The following CWC27 variants were observed in gnomAD, a reference collection of about 807,000 sequenced individuals.
CWC27 encodes the protein spliceosome-associated protein CWC27 homolog.
Under a neutral mutation model 63.6 loss-of-function variants are expected in CWC27, and 47 were observed. The ratio of observed to expected loss-of-function variants is 0.74; its 90% CI spans 0.58 to 0.94. The LOEUF is 0.94. Among genes scored for constraint, CWC27 ranks in the 40% least tolerant of loss-of-function variants. The pLI is 0.00. For synonymous variants in CWC27, 175 were observed against 179.8 expected (o/e 0.97, Z 0.22); for missense variants, 495 against 554.3 (o/e 0.89, Z 1.07).
chr5:64,894,660 T>C (rs1747325224), intron 11 of CWC27, among the ~76,000 whole-genome samples: 1 of 152,156 alleles, frequency 6.6e-6, no homozygotes. Context: ...TTGGATATAA[T>C]ACAAAAATAT....
chr5:64,841,541 A>T (rs1745836507), intron 10 of CWC27, among the ~76,000 whole-genome samples: 1 of 152,196 alleles, frequency 6.6e-6, no homozygotes, highest in South Asian at 2.1e-4. Flanking sequence ...CTGAAGTCTT[A>T]TTTCTGTAAT....
At chr5:64,862,216 A>G (rs192236951) in intron 10 of CWC27, among the ~76,000 whole-genome samples, 3 of 152,264 alleles carry the variant, frequency 2.0e-5, no homozygotes, top group Admixed American at 2.0e-4. Flanking sequence ...CTACCTGACA[A>G]TGTAACTACT....
At chr5:64,905,215 A>AACAAAACAAAAC (rs1187256410) in intron 11 of CWC27, among the ~76,000 whole-genome samples, 2 of 151,396 alleles carry the variant, frequency 1.3e-5, no homozygotes, top group African/African-American at 4.9e-5. Flanking sequence ...AAAAAAAAAA[A>AACAAAACAAAAC]AAAAAAAAAC....
chr5:64,845,172 A>G (rs150565281), intron 10 of CWC27, among the ~76,000 whole-genome samples: 1 of 152,122 alleles, frequency 6.6e-6, no homozygotes, highest in Non-Finnish European at 1.5e-5. Flanking sequence ...AGAACTCCCA[A>G]CAAGCTCTGA....
intron 10 of CWC27, among the ~76,000 whole-genome samples, chr5:64,868,162 T>G (rs1450354241): frequency 6.6e-6 from 1 of 152,032 alleles, no homozygotes; most frequent in Non-Finnish European, 1.5e-5. Flanking sequence ...TCACCCAGAA[T>G]ATACCATCCC....
chr5:64,966,571 A>G (rs1445829782), intron 11 of CWC27, among the ~76,000 whole-genome samples: 1 of 152,110 alleles, frequency 6.6e-6, no homozygotes, highest in Non-Finnish European at 1.5e-5. Context: ...GTGTATCCCT[A>G]TCTCACTCAT....
intron 10 of CWC27, among the ~76,000 whole-genome samples, chr5:64,880,907 C>T (rs547637290): frequency 7.0e-6 from 1 of 143,664 alleles, no homozygotes; most frequent in East Asian, 2.1e-4. Flanking sequence ...TTTGAGGAGG[C>T]CAAGACAATG....
intron 7 of CWC27, among the ~76,000 whole-genome samples, chr5:64,797,801 A>G (rs1744333399): frequency 6.6e-6 from 1 of 152,204 alleles, no homozygotes; most frequent in Non-Finnish European, 1.5e-5. Flanking sequence ...ATTAACAATG[A>G]AATTAACAAT....
intron 12 of CWC27, among the ~76,000 whole-genome samples, chr5:64,974,124 G>C (rs1027596422): frequency 6.6e-6 from 1 of 151,810 alleles, no homozygotes; most frequent in Non-Finnish European, 1.5e-5. Context: ...TGTGGTCCCA[G>C]CTACTTGGGA....
At chr5:64,821,228 G>A (rs1745188684) in intron 10 of CWC27, among the ~76,000 whole-genome samples, 1 of 151,888 alleles carries the variant, frequency 6.6e-6, no homozygotes, top group Non-Finnish European at 1.5e-5. Flanking sequence ...GGGATTACAG[G>A]CACGTGCCAC....
intron 10 of CWC27, among the ~76,000 whole-genome samples, chr5:64,880,854 A>T (rs74645307): frequency 0.34 from 46,520 of 135,338 alleles, 7,930 homozygotes; most frequent in East Asian, 0.51. Context: ...TATAAAAGCC[A>T]TTTTTTTTTT....
At chr5:64,929,118 G>A (rs1018848375) in intron 11 of CWC27, among the ~76,000 whole-genome samples, 1 of 152,036 alleles carries the variant, frequency 6.6e-6, no homozygotes, top group Non-Finnish European at 1.5e-5. Context: ...AATGAGGGAA[G>A]ATGAGGAAAA....
In CWC27 at chr5:64,801,343, A is replaced by G; in HGVS notation, c.780+11A>G. 1 of 1,372,926 alleles carries G rather than the reference A, an allele frequency of 7.3e-7. No individual in the cohort carries two copies. The highest frequency in any genetic ancestry group is 1.4e-5 in the South Asian group (1 of 71,632). 85.0% of individuals were successfully genotyped at this position (1,372,926 alleles called of 1,614,324 possible). The stretch of plus-strand genomic sequence containing the variant: ...CCAGATTTAGTTGATGTAAGTATTT[A>G]TTTTGGTATTAATATAGTTTGAACA... On this transcript the variant is annotated intron_variant, in intron 9 of 13. Transcript: ENST00000381070.
intron 10 of CWC27, among the ~76,000 whole-genome samples, chr5:64,860,486 T>C (rs1463059007): frequency 1.3e-5 from 2 of 152,172 alleles, no homozygotes; most frequent in Non-Finnish European, 2.9e-5. Context: ...AGGATAAAGC[T>C]GAAATGCCAG....
At chr5:64,840,362 TAAAAAAAAAA>T (rs10534375) in intron 10 of CWC27, among the ~76,000 whole-genome samples, 89 of 22,126 alleles carry the variant, frequency 4.0e-3, no homozygotes, top group South Asian at 6.1e-3. Context: ...CCTTTTTCAT[TAAAAAAAAAA>T]AAAAAAAAAA....
chr5:64,781,731 G>A (rs1743698305), intron 2 of CWC27, among the ~76,000 whole-genome samples, 190 bp from the exon 3 acceptor site: 1 of 152,176 alleles, frequency 6.6e-6, no homozygotes, highest in Non-Finnish European at 1.5e-5. Flanking sequence ...CAACAGTGAT[G>A]GTTTCTGTAG....
At chr5:64,976,987 C>A in intron 12 of CWC27, 148 bp from the exon 13 acceptor site, 1 of 447,756 alleles carries the variant, frequency 2.2e-6, no homozygotes, top group Non-Finnish European at 4.0e-6. Flanking sequence ...TTATTGCAGC[C>A]TAAAGGTAGT....
chr5:64,989,814 A>G (rs1380260550), intron 13 of CWC27, among the ~76,000 whole-genome samples: 4 of 152,372 alleles, frequency 2.6e-5, no homozygotes, highest in African/African-American at 7.2e-5. Context: ...ATCATGAGAC[A>G]TGCTGACAAT....
At chr5:64,858,137 C>CAAA (rs529762534) in intron 10 of CWC27, among the ~76,000 whole-genome samples, 2 of 23,086 alleles carry the variant, frequency 8.7e-5, no homozygotes, top group African/African-American at 1.9e-4. Context: ...GACTCCGTCT[C>CAAA]AAAAAAAAAA....
Sources: allele counts gnomAD v4.1 joint callset (sites outside exome capture counted in the v4.1 genomes callset), GRCh38; gene constraint gnomAD v4.1.1; transcripts MANE v1.5; gene names NCBI Gene and HGNC (gene_info 2026-07-23, HGNC 2026-07-21).